The following MLH3 variants were observed in gnomAD, a reference collection of about 807,000 sequenced individuals.
The protein encoded by MLH3 is DNA mismatch repair protein Mlh3.
A neutral mutation model predicts 122.2 loss-of-function variants in MLH3; 82 were observed. That is an observed-to-expected ratio of 0.67 (90% CI 0.56 to 0.81). The LOEUF is 0.81. MLH3 is among the 30% of genes least tolerant of loss of function. MLH3 has a pLI of 0.00. For missense variants in MLH3, 1,539 were observed against 1,714.5 expected, an observed-to-expected ratio of 0.90 and a Z score of 1.81; for synonymous variants, 524 against 599.5, an observed-to-expected ratio of 0.87 and a Z score of 1.84.
rs1249078772 is a variant in MLH3, at chr14:75,013,944, TTCTC to T, written c.*3134_*3137del. On this transcript the variant is annotated 3_prime_UTR_variant, in exon 13 of 13. Coordinates refer to ENST00000355774, the MANE Select transcript of MLH3 (RefSeq NM_001040108.2). ...CGCGACTGGCCAGCATACTGGCCGG[TTCTC>T]TCTGTTAGCAGACTTTTGCCAAGGG... 2 of 189,806 alleles carry T rather than the reference TTCTC, an allele frequency of 1.1e-5. No homozygotes were observed. The highest frequency in any genetic ancestry group is 6.2e-5 in the Admixed American group (1 of 16,184). The allele number at this position is 189,806 out of a possible 1,614,324, so 11.8% of individuals were successfully genotyped here.
chr14:75,039,221 G>C (rs1428474943), intron 5 of MLH3, among the ~76,000 whole-genome samples: 2 of 152,114 alleles, frequency 1.3e-5, no homozygotes, highest in African/African-American at 4.8e-5. Flanking sequence ...GTTCCTCTCT[G>C]TCTAGGTACT....
At chr14:75,039,845 C>CTA (rs1566594267) in intron 5 of MLH3, 66 bp downstream of exon 5, 17 of 316,520 alleles carry the variant, frequency 5.4e-5, no homozygotes, top group South Asian at 2.2e-4. Context: ...AAGAGTTAGG[C>CTA]CATATATATA....
rs1890982006 is a variant in MLH3, at chr14:75,030,594, T to C, written c.3936A>G (p.Glu1312=). Residue 1312 remains glutamate (E), a synonymous_variant, in exon 9 of 13, where the codon GAA becomes GAG. Transcript: ENST00000355774. ...ATCTTCCTCTCCGAAGTTCATTGGC[T>C]TCTCTTTCCACAAAACATAGTGGTA... ...GKVPLCFVER[E]ANELRRGRST... 2 of 1,614,010 alleles carry C rather than the reference T, an allele frequency of 1.2e-6. No individual in the cohort carries two copies. The highest frequency in any genetic ancestry group is 3.3e-5 in the Admixed American group (2 of 60,000).
At chr14:75,032,259 G>T in intron 7 of MLH3, 80 bp from the exon 8 acceptor site, 1 of 866,704 alleles carries the variant, frequency 1.2e-6, no homozygotes, top group Non-Finnish European at 2.0e-6. Flanking sequence ...ACGGCCTTGA[G>T]ATAATCATTC....
chr14:75,019,219 G>C, intron 11 of MLH3: 1 of 458,104 alleles, frequency 2.2e-6, no homozygotes, highest in Non-Finnish European at 4.0e-6. Context: ...AGACCAGCCT[G>C]GCCAATATGG....
At chr14:75,046,340 A>G in intron 2 of MLH3, 36 bp downstream of exon 2, 1 of 1,610,608 alleles carries the variant, frequency 6.2e-7, no homozygotes, top group East Asian at 2.2e-5. Context: ...TCCCATCTTC[A>G]AAAGCATCTC....
intron 1 of MLH3, among the ~76,000 whole-genome samples, chr14:75,050,087 CAA>C (rs1328340950): frequency 6.6e-6 from 1 of 152,132 alleles, no homozygotes; most frequent in East Asian, 1.9e-4. Flanking sequence ...TTATTCATGA[CAA>C]AAATGTCCAA....
At position 75,046,877 on chromosome 14, in the gene MLH3, GC is replaced by G. The variant is rs1892271599; in HGVS notation, c.2778del (p.Lys926AsnfsTer39). ...TQDFCMLFNNKHEKTENGVIP... is the reference protein window; with the variant it reads ...TQDFCMLFNNXHEKTENGVIP... ...ATGACACCATTCTCTGTTTTTTCAT[GC>G]TTGTTGTTAAATAACATACAAAAAT... On this transcript the variant is annotated frameshift_variant, in exon 2 of 13. Coordinates refer to ENST00000355774, the MANE Select transcript of MLH3 (RefSeq NM_001040108.2). LOFTEE classifies it high-confidence loss of function. The G allele has an allele frequency of 6.2e-7, 1 of 1,613,862 alleles. No homozygotes were observed. Among genetic ancestry groups the G allele is most frequent in the Non-Finnish European group, 8.5e-7 (1 of 1,180,016 alleles).
intron 4 of MLH3, among the ~76,000 whole-genome samples, chr14:75,040,231 C>T (rs910193123): frequency 6.6e-6 from 1 of 151,368 alleles, no homozygotes; most frequent in African/African-American, 2.4e-5. Context: ...GGGCAGATCA[C>T]GAGGTCAGGA....
intron 9 of MLH3, among the ~76,000 whole-genome samples, chr14:75,027,722 G>A (rs999392847): frequency 7.3e-6 from 1 of 137,396 alleles, no homozygotes; most frequent in African/African-American, 2.7e-5. Context: ...TAAGTAGGAT[G>A]CAAGAGGCAA....
Position 75,033,487 on chromosome 14 carries a change from C to A in MLH3, c.3647G>T (p.Gly1216Val). 1.2e-6 allele frequency: 2 copies of A among 1,613,312 alleles called. No individual in the cohort carries two copies. Among genetic ancestry groups the A allele is most frequent in the Middle Eastern group, 1.6e-4 (1 of 6,062 alleles). The change falls in exon 7 of 13, where the codon GGG (glycine) becomes GTG (valine). Residue 1216 changes from glycine to valine, a missense_variant. Physicochemically the swap from Gly to Val is moderately radical, Grantham distance 109 (BLOSUM62 -3). Coordinates refer to ENST00000355774, the MANE Select transcript of MLH3 (RefSeq NM_001040108.2). Reference protein sequence around the residue: ...TKTEENGEAGGNLLVLVDQHA... With the variant: ...TKTEENGEAGVNLLVLVDQHA... ...CTGATCCACCAGCACGAGCAGGTTC[C>A]CACCTAGATGAGCAAGGATTGTGAA...
chr14:75,028,020 C>CA (rs1042776028), intron 9 of MLH3, among the ~76,000 whole-genome samples: 242 of 94,588 alleles, frequency 2.6e-3, no homozygotes, highest in Middle Eastern at 6.5e-3. Flanking sequence ...ACGAGTAGAG[C>CA]AAAAAAAAAA....
chr14:75,016,980 G>A lies in MLH3; in HGVS notation c.*102C>T, dbSNP rs1308942090. The stretch of plus-strand genomic sequence containing the variant: ...TGTCTAAGCTGCTCAGGGACACTGG[G>A]CTGATTCAGTCAGGGCCGTGCTGGT... On this transcript the variant is annotated 3_prime_UTR_variant, in exon 13 of 13. Transcript: ENST00000355774. 7.1e-7 allele frequency: 1 copy of A among 1,402,306 alleles called. No individual in the cohort carries two copies. The highest frequency in any genetic ancestry group is 1.4e-5 in the African/African-American group (1 of 70,750). The allele number at this position is 1,402,306 out of a possible 1,614,324, so 86.9% of individuals were successfully genotyped here.
At chr14:75,035,621 A>G (rs1467239366) in intron 6 of MLH3, among the ~76,000 whole-genome samples, 1 of 152,224 alleles carries the variant, frequency 6.6e-6, no homozygotes, top group African/African-American at 2.4e-5. Flanking sequence ...TTCTGACAGA[A>G]CTTTAGGTTA....
rs1450527073 is a variant in MLH3, at chr14:75,049,429, C to T, written c.227G>A (p.Ser76Asn). The change falls in exon 2 of 13, where the codon AGT becomes AAT. Residue 76 changes from serine (S) to asparagine (N), a missense_variant. Ser to Asn is a conservative substitution (Grantham distance 46). Coordinates refer to ENST00000355774, the MANE Select transcript of MLH3 (RefSeq NM_001040108.2). The stretch of plus-strand genomic sequence containing the variant: ...CAAGTCCTGTACCGAGTGGCATTTA[C>T]TGGTGAAATAACGATTTCCCACTTT... ...VEKVGNRYFTSKCHSVQDLEN... is the reference protein window; with the variant it reads ...VEKVGNRYFTNKCHSVQDLEN... The T allele has an allele frequency of 1.2e-6, 2 of 1,614,108 alleles. No individual in the cohort carries two copies. Among genetic ancestry groups the T allele is most frequent in the East Asian group, 2.2e-5 (1 of 44,890 alleles).
chr14:75,050,661 A>G (rs1262243767), intron 1 of MLH3, among the ~76,000 whole-genome samples: 1 of 152,108 alleles, frequency 6.6e-6, no homozygotes, highest in Non-Finnish European at 1.5e-5. Flanking sequence ...TGGCCTCCCA[A>G]AGTGCTGGGA....
chr14:75,046,134 C>T (rs967455485), intron 2 of MLH3, among the ~76,000 whole-genome samples: 8 of 148,504 alleles, frequency 5.4e-5, no homozygotes, highest in African/African-American at 2.0e-4. Context: ...GAGCTGAGAT[C>T]GCACCACTGC....
At chr14:75,046,298 G>C in intron 2 of MLH3, 78 bp downstream of exon 2, 1 of 1,402,458 alleles carries the variant, frequency 7.1e-7, no homozygotes, top group Admixed American at 1.7e-5. Flanking sequence ...TAATCTCTTT[G>C]GATAATGAGG....
Position 75,048,582 on chromosome 14 carries a change from T to C in MLH3, c.1074A>G (p.Ser358=). 1 of 1,613,988 alleles carries C rather than the reference T, an allele frequency of 6.2e-7. No homozygotes were observed. Among genetic ancestry groups the C allele is most frequent in the African/African-American group, 1.3e-5 (1 of 75,050 alleles). Residue 358 remains serine (S), a synonymous_variant, in exon 2 of 13, where the codon TCA becomes TCG. Coordinates refer to ENST00000355774, the MANE Select transcript of MLH3 (RefSeq NM_001040108.2). The stretch of plus-strand genomic sequence containing the variant: ...CACTAAATTCCTTAATATCCTCACC[T>C]GATAATTCCACAAATAATTTTTCTT... ...LKQEKLFVEL[S]GEDIKEFSED...
Sources: allele counts gnomAD v4.1 joint callset (sites outside exome capture counted in the v4.1 genomes callset), GRCh38; gene constraint gnomAD v4.1.1; transcripts MANE v1.5; gene names NCBI Gene and HGNC (gene_info 2026-07-23, HGNC 2026-07-21).